RIMBP2: variants seen among roughly 807,000 people sequenced by gnomAD.
RIMBP2 encodes the protein RIMS binding protein 2, also known as RIMS-binding protein 2.
RIMBP2 carries 48 observed loss-of-function variants against 118.6 expected under a neutral mutation model. The ratio of observed to expected loss-of-function variants is 0.40; its 90% CI spans 0.32 to 0.51. The LOEUF is 0.51. Ranked by LOEUF, RIMBP2 falls within the 20% of genes least tolerant of loss-of-function variation. RIMBP2 has a pLI of 0.41. For synonymous variants in RIMBP2, 762 were observed against 742.9 expected (o/e 1.03, Z -0.42); for missense variants, 1,551 against 1,768.3 (o/e 0.88, Z 2.20).
chr12:130,435,407 C>T (rs1226030648), intron 13 of RIMBP2, among the ~76,000 whole-genome samples: 1 of 152,194 alleles, frequency 6.6e-6, no homozygotes, highest in East Asian at 1.9e-4. Context: ...CCATTGGTCT[C>T]CTCTGCCCAG....
intron 1 of RIMBP2, among the ~76,000 whole-genome samples, chr12:130,696,225 G>A (rs2065569464): frequency 2.6e-5 from 4 of 152,198 alleles, no homozygotes; most frequent in Admixed American, 2.0e-4. Flanking sequence ...CTTACTGGGA[G>A]TGCAGAAGAC....
At chr12:130,538,554 C>T (rs956344024) in intron 2 of RIMBP2, among the ~76,000 whole-genome samples, 2 of 152,192 alleles carry the variant, frequency 1.3e-5, no homozygotes, top group Admixed American at 6.5e-5. Context: ...TAATTCACAC[C>T]GTCAAGAAAA....
intron 6 of RIMBP2, among the ~76,000 whole-genome samples, chr12:130,460,255 C>A (rs1347562463): frequency 6.6e-6 from 1 of 152,132 alleles, no homozygotes; most frequent in Non-Finnish European, 1.5e-5. Flanking sequence ...GCTCCAGGCC[C>A]CACTCTGTGC....
Position 130,688,529 on chromosome 12 carries a change from C to T in RIMBP2, c.-352+27693G>A, listed in dbSNP as rs545435414. Among the ~76,000 whole-genome samples the T allele has an allele frequency of 8.5e-5, 13 of 152,280 alleles. No individual in the cohort carries two copies. Among genetic ancestry groups the T allele is most frequent in the African/African-American group, 2.9e-4 (12 of 41,548 alleles). ...CCATGTGACCAAGAGCTCCCCCAAG[C>T]ATGAGTCGTCTTCACCCCTCCATCC... On this transcript the variant is annotated intron_variant, in intron 1 of 22. Coordinates refer to ENST00000690449, the MANE Select transcript of RIMBP2 (RefSeq NM_001393629.1). The surrounding 1 kb of genome is among the most constrained non-coding windows in gnomAD (Gnocchi z 4.7).
At chr12:130,687,089 A>G (rs2065086390) in intron 1 of RIMBP2, among the ~76,000 whole-genome samples, 1 of 152,190 alleles carries the variant, frequency 6.6e-6, no homozygotes, top group South Asian at 2.1e-4. Context: ...TGAAAATGTC[A>G]TTATAGCTTT....
At chr12:130,685,709 T>C (rs183686066) in intron 1 of RIMBP2, among the ~76,000 whole-genome samples, 15 of 152,282 alleles carry the variant, frequency 9.9e-5, no homozygotes, top group Admixed American at 6.5e-4. Flanking sequence ...CTTTATGTTC[T>C]AAAAGCAGAT....
chr12:130,403,036 G>A (rs539041121), intron 21 of RIMBP2, among the ~76,000 whole-genome samples: 110 of 152,316 alleles, frequency 7.2e-4, no homozygotes, highest in African/African-American at 2.3e-3. Context: ...CCCTGCTTAC[G>A]CTTGTTTTAC....
rs1282456818 is a variant in RIMBP2 at position 130,475,479 on chromosome 12, C to T, written c.102+3433G>A. ...AAAAATAAACTCCTGCCTCACATTG[C>T]ACATCAAGAAAAACAACATTATAGG... is the stretch of plus-strand genomic sequence containing the variant. On this transcript the variant is annotated intron_variant, in intron 5 of 22. Transcript: ENST00000690449. The surrounding 1 kb of genome is among the most constrained non-coding windows in gnomAD (Gnocchi z 4.1). 5.3e-5 allele frequency among the ~76,000 whole-genome samples: 8 copies of T among 152,180 alleles called. No homozygotes were observed. The highest frequency in any genetic ancestry group is 1.9e-4 in the African/African-American group (8 of 41,458).
At chr12:130,590,672 C>T (rs930375446) in intron 2 of RIMBP2, among the ~76,000 whole-genome samples, 4 of 152,198 alleles carry the variant, frequency 2.6e-5, no homozygotes, top group African/African-American at 9.6e-5. Flanking sequence ...GAACACAAAA[C>T]TTGTTTCTTT....
intron 2 of RIMBP2, among the ~76,000 whole-genome samples, chr12:130,549,274 C>T (rs2055496297): frequency 6.6e-6 from 1 of 152,112 alleles, no homozygotes; most frequent in Non-Finnish European, 1.5e-5. Flanking sequence ...GATGCCCATC[C>T]CGGGGGAATG....
At chr12:130,415,988 A>G (rs1031399878) in intron 17 of RIMBP2, among the ~76,000 whole-genome samples, 14 of 149,882 alleles carry the variant, frequency 9.3e-5, no homozygotes, top group African/African-American at 3.6e-4. Context: ...CAAAATATAC[A>G]GAATACATCT....
intron 2 of RIMBP2, among the ~76,000 whole-genome samples, chr12:130,627,186 G>A (rs773794060): frequency 2.6e-5 from 4 of 152,220 alleles, no homozygotes; most frequent in Non-Finnish European, 4.4e-5. Flanking sequence ...CCACCACCAC[G>A]CTTACTGGAA....
chr12:130,629,290 T>G (rs141459850), intron 1 of RIMBP2, among the ~76,000 whole-genome samples: 22 of 152,304 alleles, frequency 1.4e-4, no homozygotes, highest in African/African-American at 5.3e-4. Context: ...TGGTCAAAAT[T>G]CAATTTATTT....
chr12:130,685,614 C>T (rs1173818652), intron 1 of RIMBP2, among the ~76,000 whole-genome samples: 2 of 152,114 alleles, frequency 1.3e-5, no homozygotes, highest in Non-Finnish European at 2.9e-5. Context: ...GCCGTGTGGC[C>T]GCCGTGGCTC....
chr12:130,421,865 G>A (rs2076435551), intron 17 of RIMBP2, among the ~76,000 whole-genome samples: 4 of 152,140 alleles, frequency 2.6e-5, no homozygotes, highest in South Asian at 2.1e-4. Context: ...TGACTAAAAC[G>A]ATAGCTTTCA....
intron 13 of RIMBP2, among the ~76,000 whole-genome samples, chr12:130,436,007 T>A (rs1371422025): frequency 6.6e-6 from 1 of 152,278 alleles, no homozygotes; most frequent in East Asian, 1.9e-4. Context: ...CCCCACAGGC[T>A]GACCCAGCAG....
rs1339405903 is a variant in RIMBP2 at position 130,442,681 on chromosome 12, G to A, written c.692-21C>T. 2 of 1,600,090 alleles carry A rather than the reference G, an allele frequency of 1.2e-6. No individual in the cohort carries two copies. Among genetic ancestry groups the A allele is most frequent in the Non-Finnish European group, 1.7e-6 (2 of 1,171,094 alleles). ...CTCTCCTGTTGGGTACAAGGACAGA[G>A]TTATCACCCAGCCAACACAGCAGGG... On this transcript the variant is annotated intron_variant, in intron 10 of 22. Transcript: ENST00000690449. This position sits in a 1 kb window ranked among gnomAD's most constrained non-coding sequence, Gnocchi z 6.9.
intron 2 of RIMBP2, among the ~76,000 whole-genome samples, chr12:130,545,881 T>C (rs999462896): frequency 1.3e-5 from 2 of 152,170 alleles, no homozygotes; most frequent in African/African-American, 4.8e-5. Flanking sequence ...TTATCTAGTT[T>C]ATGGGATTGT....
intron 2 of RIMBP2, among the ~76,000 whole-genome samples, chr12:130,555,501 A>C (rs1038010619): frequency 1.3e-5 from 2 of 152,196 alleles, no homozygotes; most frequent in Non-Finnish European, 2.9e-5. Flanking sequence ...GCCTGAACAC[A>C]CAGCATGGCT....
Sources: gnomAD v4.1 joint callset for allele counts (sites outside exome capture counted in the v4.1 genomes callset) on GRCh38, gnomAD v4.1.1 for gene constraint, Gnocchi (gnomAD v3.1) non-coding constraint, MANE v1.5 for transcripts, NCBI Gene and HGNC (gene_info 2026-07-23, HGNC 2026-07-21) for gene names.